Variants in DAB1 observed in about 807,000 individuals in gnomAD.
The protein encoded by DAB1 is DAB adaptor protein 1, also known as disabled homolog 1.
Under a neutral mutation model 64.6 loss-of-function variants are expected in DAB1, and 15 were observed. The observed-to-expected ratio is 0.23, with a 90% confidence interval of 0.16 to 0.36. The LOEUF is 0.36. DAB1 is among the 10% of genes least tolerant of loss of function. DAB1 has a pLI of 1.00. For missense variants in DAB1, 596 were observed against 706.7 expected (o/e 0.84, Z 1.78); for synonymous variants, 235 against 251.9 (o/e 0.93, Z 0.64).
At chr1:57,890,961 C>T (rs1557539855) in intron 5 of DAB1, among the ~76,000 whole-genome samples, 1 of 152,110 alleles carries the variant, frequency 6.6e-6, no homozygotes, top group Non-Finnish European at 1.5e-5. Flanking sequence ...TTGCCAAAGA[C>T]TTCATGACTA....
At chr1:57,598,656 T>C (rs1645539651) in intron 7 of DAB1, among the ~76,000 whole-genome samples, 2 of 152,136 alleles carry the variant, frequency 1.3e-5, no homozygotes, top group African/African-American at 4.8e-5. Flanking sequence ...GGGCTGGCTG[T>C]ATGGGCAGTG....
At chr1:58,073,394 T>G (rs540076947) in intron 5 of DAB1, among the ~76,000 whole-genome samples, 2 of 152,300 alleles carry the variant, frequency 1.3e-5, no homozygotes, top group Non-Finnish European at 2.9e-5. Flanking sequence ...CCCTCTCCTC[T>G]TCTCTGGGCT....
intron 4 of DAB1, among the ~76,000 whole-genome samples, chr1:57,073,569 T>C (rs1651708629): frequency 1.3e-5 from 2 of 152,132 alleles, no homozygotes; most frequent in Non-Finnish European, 2.9e-5. Flanking sequence ...TTATGGTATG[T>C]TTAAAGTCCT....
At chr1:58,413,657 A>T (rs1644690578) in intron 3 of DAB1, among the ~76,000 whole-genome samples, 1 of 152,200 alleles carries the variant, frequency 6.6e-6, no homozygotes. Context: ...CCATGCTGCT[A>T]ATGGAAGAAA....
intron 5 of DAB1, among the ~76,000 whole-genome samples, chr1:57,978,072 G>T (rs1471689012): frequency 6.6e-6 from 1 of 152,062 alleles, no homozygotes; most frequent in Non-Finnish European, 1.5e-5. Context: ...TTACTTTAAA[G>T]TTCATATGGA....
chr1:57,557,871 T>C (rs1221593473), intron 7 of DAB1, among the ~76,000 whole-genome samples: 1 of 152,164 alleles, frequency 6.6e-6, no homozygotes, highest in African/African-American at 2.4e-5. Context: ...AATGATAAAC[T>C]CAGAGATTCT....
chr1:57,345,475 G>T (rs189207036), intron 1 of DAB1, among the ~76,000 whole-genome samples: 1 of 152,202 alleles, frequency 6.6e-6, no homozygotes, highest in Admixed American at 6.5e-5. Context: ...AACCAACAGG[G>T]GTGACTGAAA....
chr1:58,148,340 TC>T (rs1654727815), intron 5 of DAB1, among the ~76,000 whole-genome samples: 1 of 152,196 alleles, frequency 6.6e-6, no homozygotes, highest in South Asian at 2.1e-4. Flanking sequence ...ACACACCACA[TC>T]ATACTATTTC....
At chr1:58,193,075 T>C (rs1483679549) in intron 4 of DAB1, among the ~76,000 whole-genome samples, 1 of 152,188 alleles carries the variant, frequency 6.6e-6, no homozygotes, top group Non-Finnish European at 1.5e-5. Context: ...AAATCTCATG[T>C]TGAAATTTAG....
chr1:58,295,462 G>T (rs1169695581), intron 4 of DAB1, among the ~76,000 whole-genome samples: 1 of 152,102 alleles, frequency 6.6e-6, no homozygotes, highest in African/African-American at 2.4e-5. Context: ...TCTAGATCTA[G>T]AGAGCCCACA....
intron 6 of DAB1, among the ~76,000 whole-genome samples, chr1:57,660,104 A>G (rs1044326671): frequency 6.6e-6 from 1 of 152,184 alleles, no homozygotes; most frequent in African/African-American, 2.4e-5. Flanking sequence ...AGAATGCATT[A>G]CAATATTCCA....
chr1:57,419,307 C>T (rs1684724202), intron 1 of DAB1, among the ~76,000 whole-genome samples: 1 of 152,096 alleles, frequency 6.6e-6, no homozygotes, highest in Non-Finnish European at 1.5e-5. Context: ...TCTCTGCAAG[C>T]CTAATATTCT....
At chr1:57,208,955 G>A (rs968445146) in intron 2 of DAB1, among the ~76,000 whole-genome samples, 1 of 152,206 alleles carries the variant, frequency 6.6e-6, no homozygotes, top group South Asian at 2.1e-4. Context: ...AAGCTTCAGA[G>A]ATAAATGCAC....
At chr1:58,451,240 C>T (rs1358611028) in intron 3 of DAB1, among the ~76,000 whole-genome samples, 1 of 152,176 alleles carries the variant, frequency 6.6e-6, no homozygotes, top group African/African-American at 2.4e-5. Flanking sequence ...TAGGCACATG[C>T]CATACACCCA....
intron 4 of DAB1, among the ~76,000 whole-genome samples, chr1:58,317,722 G>A (rs932255466): frequency 2.0e-5 from 3 of 152,216 alleles, no homozygotes; most frequent in African/African-American, 7.2e-5. Context: ...TGCCTGGTGA[G>A]TCCCTGAGCA....
In DAB1 at chr1:58,364,747, G is replaced by GA. The variant is rs536635834; in HGVS notation, n.258-21345dup. Reference sequence around the variant, plus strand: ...TATGTGTACTTGTAACAAACAAGGGGAAAAAATCCACATAACTTCCACTAT... The same window carrying GA: ...TATGTGTACTTGTAACAAACAAGGGGAAAAAAATCCACATAACTTCCACTAT... On this transcript the variant is annotated intron_variant and non_coding_transcript_variant, in intron 3 of 20. Coordinates refer to the DAB1 transcript ENST00000485760. 9.8e-5 allele frequency among the ~76,000 whole-genome samples: 15 copies of GA among 152,286 alleles called. No individual in the cohort carries two copies. The South Asian group carries it at 1.0e-3, about 11-fold the overall frequency.
At chr1:58,091,900 T>A (rs1339810735) in intron 5 of DAB1, among the ~76,000 whole-genome samples, 1 of 150,998 alleles carries the variant, frequency 6.6e-6, no homozygotes, top group Non-Finnish European at 1.5e-5. Flanking sequence ...TGATTTTTTT[T>A]TTCTTTATCA....
chr1:57,802,100 C>G, intron 6 of DAB1, among the ~76,000 whole-genome samples: 1 of 152,170 alleles, frequency 6.6e-6, no homozygotes, highest in East Asian at 1.9e-4. Flanking sequence ...GAAAGCAAGA[C>G]ATGGTGCAAA....
chr1:57,932,662 G>GAATTT (rs1211407575), intron 5 of DAB1, among the ~76,000 whole-genome samples: 1 of 152,038 alleles, frequency 6.6e-6, no homozygotes, highest in Non-Finnish European at 1.5e-5. Context: ...TCTTCTTGGA[G>GAATTT]AATTTATCCC....
Sources: gnomAD v4.1 joint callset for allele counts (sites outside exome capture counted in the v4.1 genomes callset) on GRCh38, gnomAD v4.1.1 for gene constraint, MANE v1.5 for transcripts, NCBI Gene and HGNC (gene_info 2026-07-23, HGNC 2026-07-21) for gene names.